Variants in BSCL2 observed in about 807,000 individuals in gnomAD.
BSCL2 encodes the protein BSCL2 lipid droplet biogenesis associated, seipin.
BSCL2 carries 41 observed loss-of-function variants against 57.4 expected under a neutral mutation model. That is an observed-to-expected ratio of 0.71 (90% confidence interval 0.56 to 0.93). The LOEUF (loss-of-function observed/expected upper bound fraction) is 0.93. BSCL2 is among the 40% of genes least tolerant of loss of function. The pLI, the probability that BSCL2 is intolerant of heterozygous loss-of-function variation, is 0.00. For synonymous variants in BSCL2, 237 were observed against 227.3 expected (o/e 1.04, Z -0.38); for missense variants, 539 against 586.7 (o/e 0.92, Z 0.84).
At position 62,694,684 on chromosome 11, in the gene BSCL2, CACGAT is replaced by C. The variant is rs587777608; in HGVS notation, c.509_513del (p.Tyr170CysfsTer6). The C allele has an allele frequency of 6.2e-7, 1 of 1,614,156 alleles. No homozygotes were observed. On this transcript the variant is annotated frameshift_variant, in exon 4 of 11. Transcript: ENST00000360796. LOFTEE classifies it high-confidence loss of function. ...TCTGGCAGCTCAAGCTCTAAGGTAA[CACGAT>C]ACGGCTGTCCATACATCAGCACCTG...
chr11:62,694,103 T>A (rs1945381387), intron 4 of BSCL2, among the ~76,000 whole-genome samples: 1 of 150,666 alleles, frequency 6.6e-6, no homozygotes, highest in Non-Finnish European at 1.5e-5. Flanking sequence ...CATGAGCCAC[T>A]GCGCCCGGCC....
At chr11:62,703,552 G>A (rs575823384) in intron 2 of BSCL2, among the ~76,000 whole-genome samples, 8 of 150,510 alleles carry the variant, frequency 5.3e-5, no homozygotes, top group Non-Finnish European at 8.9e-5. Context: ...AGGGTTTCAC[G>A]GTGTTAGCCA....
upstream of BSCL2, chr11:62,708,785 GTTC>G (rs1565155395): frequency 6.2e-7 from 1 of 1,613,870 alleles, no homozygotes; most frequent in Admixed American, 1.7e-5. Context: ...GGGAGAAGAA[GTTC>G]TTCTGTGCTC....
intron 2 of BSCL2, among the ~76,000 whole-genome samples, chr11:62,704,480 A>G (rs1168954763): frequency 1.3e-5 from 2 of 151,800 alleles, no homozygotes; most frequent in Non-Finnish European, 2.9e-5. Context: ...CAGGAGGCGG[A>G]GCTTGCAGTG....
rs747087493 is a variant in BSCL2 at position 62,690,326 on chromosome 11, G to C, written c.*41C>G. 41 of 1,613,092 alleles carry C rather than the reference G, an allele frequency of 2.5e-5. No individual in the cohort carries two copies. The highest frequency in any genetic ancestry group is 3.4e-5 in the Non-Finnish European group (40 of 1,179,934). On this transcript the variant is annotated 3_prime_UTR_variant, in exon 11 of 11. Coordinates refer to ENST00000360796, the MANE Select transcript of BSCL2 (RefSeq NM_001122955.4). ...AGGAAAAACGAGGGGAGAGGAGTCA[G>C]GTGGGAAAGTGCTGGAATGTGAGGA...
chr11:62,697,153 G>A (rs942991389), intron 3 of BSCL2, among the ~76,000 whole-genome samples: 1 of 152,094 alleles, frequency 6.6e-6, no homozygotes, highest in Non-Finnish European at 1.5e-5. Flanking sequence ...CCAGCACTTT[G>A]GGAGGCCAAG....
intron 3 of BSCL2, among the ~76,000 whole-genome samples, chr11:62,698,626 G>A (rs1481727703): frequency 1.3e-5 from 2 of 152,168 alleles, no homozygotes; most frequent in African/African-American, 2.4e-5. Context: ...TACACATAGT[G>A]GACAGATTAT....
In BSCL2 at chr11:62,705,380, A is replaced by G. The variant is rs2134740612; in HGVS notation, c.325T>C (p.Ser109Pro). The G allele has an allele frequency of 2.5e-6, 4 of 1,614,164 alleles. No individual in the cohort carries two copies. Among genetic ancestry groups the G allele is most frequent in the Non-Finnish European group, 2.5e-6 (3 of 1,180,014 alleles). Reference sequence around the variant, plus strand: ...TAGAAGGAGCCATAGAGGAAGACAGACACCCAGAGCAAAAGGAGGATGGTG... The same window carrying G: ...TAGAAGGAGCCATAGAGGAAGACAGGCACCCAGAGCAAAAGGAGGATGGTG... Reference protein sequence around the residue: ...FCTILLLLWVSVFLYGSFYYS... With the variant: ...FCTILLLLWVPVFLYGSFYYS... The change falls in exon 2 of 11, where the codon TCT (serine) becomes CCT (proline). Residue 109 changes from serine to proline, a missense_variant. Ser to Pro is a moderately conservative substitution (Grantham distance 74). Coordinates refer to ENST00000360796, the MANE Select transcript of BSCL2 (RefSeq NM_001122955.4).
chr11:62,697,320 G>C (rs140522004), intron 3 of BSCL2, among the ~76,000 whole-genome samples: 1 of 149,846 alleles, frequency 6.7e-6, no homozygotes, highest in African/African-American at 2.5e-5. Flanking sequence ...GCGTGAACCC[G>C]GGAGGCGGAG....
In BSCL2 at chr11:62,702,606, C is replaced by T. The variant is rs933972776; in HGVS notation, c.405-57G>A. 6.7e-6 allele frequency: 10 copies of T among 1,488,326 alleles called. No homozygotes were observed. The East Asian group carries it at 7.0e-5, about 10-fold the overall frequency. 92.2% of individuals were successfully genotyped at this position (1,488,326 alleles called of 1,614,324 possible). A position where few individuals can be genotyped will look rare whatever the true frequency, so the allele number is the denominator to read the frequency against. On this transcript the variant is annotated intron_variant, in intron 2 of 10. Coordinates refer to ENST00000360796, the MANE Select transcript of BSCL2 (RefSeq NM_001122955.4). ...AGTTAGTCTTACTAGTCCATCCATA[C>T]ACCTTCTTTGCCCCCTAGGGCTCCC...
At position 62,694,575 on chromosome 11, in the gene BSCL2, G is replaced by A. The variant is rs1401291119; in HGVS notation, c.623C>T (p.Ser208Leu). ...CAGGCCACCAACACTTACCGAACGC[G>A]AAGAAGTGGAGATGATTCGGCCACC... ...TRGGRIISTS[S>L]RSVMLHYRSD... Residue 208 changes from serine to leucine, a missense_variant, in exon 4 of 11, where the codon TCG becomes TTG. By Grantham distance (145) the Ser-to-Leu change is moderately radical. This residue lies in a region of BSCL2 where 73 missense variants were observed against 122.0 expected (regional missense o/e 0.60). Transcript: ENST00000360796. The A allele has an allele frequency of 3.7e-6, 6 of 1,613,836 alleles. No individual in the cohort carries two copies. The highest frequency in any genetic ancestry group is 2.2e-5 in the East Asian group (1 of 44,878).
chr11:62,697,700 A>G (rs1945512422), intron 3 of BSCL2: 1 of 151,488 alleles, frequency 6.6e-6, no homozygotes, highest in Admixed American at 6.6e-5. Flanking sequence ...AGGCTGAGGC[A>G]AGAGAATCAC....
At position 62,705,363 on chromosome 11, in the gene BSCL2, G is replaced by A; in HGVS notation, c.342C>T (p.Gly114=). 1 of 1,614,122 alleles carries A rather than the reference G, an allele frequency of 6.2e-7. No individual in the cohort carries two copies. Among genetic ancestry groups the A allele is most frequent in the Non-Finnish European group, 8.5e-7 (1 of 1,179,980 alleles). The stretch of plus-strand genomic sequence containing the variant: ...TCGGCATATAGGAATAGTAGAAGGA[G>A]CCATAGAGGAAGACAGACACCCAGA... ...LLLWVSVFLY[G]SFYYSYMPTV... is the part of the protein sequence containing the mutation. The change falls in exon 2 of 11, where the codon GGC becomes GGT. Residue 114 remains glycine (G), a synonymous_variant. Transcript: ENST00000360796.
At chr11:62,697,312 G>A (rs151192349) in intron 3 of BSCL2, among the ~76,000 whole-genome samples, 8 of 148,916 alleles carry the variant, frequency 5.4e-5, no homozygotes, top group Non-Finnish European at 1.0e-4. Flanking sequence ...GGAGAATGGC[G>A]TGAACCCGGG....
At chr11:62,707,548 G>C (rs1447218959), upstream of BSCL2, 1 of 598,128 alleles carries the variant, frequency 1.7e-6, no homozygotes, top group East Asian at 2.8e-5. Context: ...CTAGCCCAGA[G>C]TCAGGATGCC....
At chr11:62,708,289 T>C (rs1218399619), upstream of BSCL2, 1 of 1,597,270 alleles carries the variant, frequency 6.3e-7, no homozygotes. Context: ...TCCCTCTTTT[T>C]TCCAGGATGA....
At chr11:62,691,548 C>A (rs1357590098) in intron 6 of BSCL2, 127 bp from the exon 7 acceptor site, 3 of 1,123,524 alleles carry the variant, frequency 2.7e-6, no homozygotes, top group Non-Finnish European at 3.9e-6. Flanking sequence ...GTCACCCCTG[C>A]CTCCCACCCA....
chr11:62,696,877 T>C (rs895739996), intron 3 of BSCL2, among the ~76,000 whole-genome samples: 1 of 151,596 alleles, frequency 6.6e-6, no homozygotes, highest in Non-Finnish European at 1.5e-5. Flanking sequence ...AACATTAAAA[T>C]AGGTAGTTCT....
At chr11:62,707,886 C>G (rs2083568335), upstream of BSCL2, 2 of 276,910 alleles carry the variant, frequency 7.2e-6, no homozygotes, top group Non-Finnish European at 1.4e-5. Flanking sequence ...ACCCTACACC[C>G]AGGGCTGCTA....
Sources: allele counts gnomAD v4.1 joint callset (sites outside exome capture counted in the v4.1 genomes callset), GRCh38; gene constraint gnomAD v4.1.1; regional missense constraint gnomAD v4.1.1; transcripts MANE v1.5; gene names NCBI Gene and HGNC (gene_info 2026-07-23, HGNC 2026-07-21).